Variants in DMD observed in about 807,000 individuals in gnomAD.
DMD encodes the protein dystrophin, also known as mutant dystrophin.
DMD carries 63 observed loss-of-function variants against 330.1 expected under a neutral mutation model. The observed-to-expected ratio is 0.19, with a 90% confidence interval of 0.16 to 0.24. DMD has a LOEUF of 0.24. Ranked by LOEUF, DMD falls within the 10% of genes least tolerant of loss-of-function variation. The pLI is 1.00. For synonymous variants in DMD, 1,223 were observed against 959.8 expected (o/e 1.27, Z -5.07); for missense variants, 3,344 against 2,684.1 (o/e 1.25, Z -5.43).
At chrX:32,155,060 GT>G (rs201936359) in intron 44 of DMD, among the ~76,000 whole-genome samples, 6,224 of 95,323 alleles carry the variant, frequency 0.065, 276 homozygotes, top group Admixed American at 0.18. Context: ...CCCTTGCTGT[GT>G]TTTTTTTTTT....
chrX:31,144,818 C>A (rs191233777), intron 76 of DMD, among the ~76,000 whole-genome samples: 1 of 111,384 alleles, frequency 9.0e-6, no homozygotes, highest in Admixed American at 9.4e-5. Flanking sequence ...GAAGGGGGAC[C>A]AAGTATTTGT....
At chrX:32,492,270 G>A (rs1395931175) in intron 19 of DMD, among the ~76,000 whole-genome samples, 3 of 112,032 alleles carry the variant, frequency 2.7e-5, no homozygotes, top group African/African-American at 9.7e-5. Context: ...CCCGGGAGGC[G>A]GAGCTTGCAG....
intron 60 of DMD, among the ~76,000 whole-genome samples, chrX:31,392,285 G>A (rs1304107433): frequency 1.8e-5 from 2 of 112,777 alleles, no homozygotes; most frequent in Non-Finnish European, 3.7e-5. Context: ...GATAGCAAAT[G>A]CAAAGATGGA....
intron 4 of DMD, among the ~76,000 whole-genome samples, chrX:32,836,829 G>C (rs961189222): frequency 8.9e-6 from 1 of 112,078 alleles, no homozygotes; most frequent in Admixed American, 9.5e-5. Context: ...TGTATTTAAT[G>C]ACATTTTCAC....
chrX:32,383,312 C>A (rs2097937490), intron 33 of DMD, among the ~76,000 whole-genome samples: 1 of 110,553 alleles, frequency 9.0e-6, no homozygotes. Context: ...GCTGATTACT[C>A]CAAAAAGGTA....
At chrX:32,195,517 A>C (rs1402658890) in intron 44 of DMD, among the ~76,000 whole-genome samples, 1 of 112,348 alleles carries the variant, frequency 8.9e-6, no homozygotes, top group Admixed American at 9.4e-5. Context: ...GAAAACTGTG[A>C]ATGCTTCTAT....
At position 32,243,721 on chromosome X, in the gene DMD, T is replaced by C. The variant is rs772967188; in HGVS notation, c.6291-26658A>G. ...ATAATTTAATTTTTGATAATGGTTG[T>C]GTTTAACAGATCTCAAAATTCTTGA... On this transcript the variant is annotated intron_variant, in intron 43 of 78. Transcript: ENST00000357033. 4.5e-5 allele frequency among the ~76,000 whole-genome samples: 5 copies of C among 111,885 alleles called. 1 individual carries two copies. In the East Asian group the frequency reaches 1.4e-3, roughly 32 times the overall value.
At chrX:32,784,325 T>TG (rs1230526745) in intron 7 of DMD, among the ~76,000 whole-genome samples, 4 of 111,662 alleles carry the variant, frequency 3.6e-5, no homozygotes, top group Non-Finnish European at 7.5e-5. Context: ...ATGTTGGAGG[T>TG]GATTAATTGC....
intron 13 of DMD, among the ~76,000 whole-genome samples, chrX:32,579,646 C>G (rs1242069277): frequency 2.7e-5 from 3 of 112,820 alleles, no homozygotes. Flanking sequence ...ATCTAATCTG[C>G]TTCACAAGGA....
At chrX:32,599,208 C>A (rs2055906897) in intron 12 of DMD, among the ~76,000 whole-genome samples, 1 of 111,765 alleles carries the variant, frequency 8.9e-6, no homozygotes, top group Non-Finnish European at 1.9e-5. Context: ...ACTGTATTAG[C>A]TAATCTCCTT....
intron 17 of DMD, among the ~76,000 whole-genome samples, chrX:32,544,005 A>G (rs960697955): frequency 8.9e-6 from 1 of 112,265 alleles, no homozygotes; most frequent in South Asian, 3.7e-4. Context: ...ATGTCATAAA[A>G]TATTATTTTT....
chrX:31,894,190 G>T (rs1196566399), intron 47 of DMD, among the ~76,000 whole-genome samples: 1 of 112,102 alleles, frequency 8.9e-6, no homozygotes, highest in Non-Finnish European at 1.9e-5. Flanking sequence ...ACCTAACAAA[G>T]CAATTTTGGA....
intron 60 of DMD, among the ~76,000 whole-genome samples, chrX:31,380,382 A>G (rs1356486038): frequency 3.7e-5 from 4 of 107,523 alleles, no homozygotes; most frequent in African/African-American, 1.0e-4. Context: ...GTATCTCCCC[A>G]CCTTAACCCA....
intron 7 of DMD, among the ~76,000 whole-genome samples, chrX:32,708,318 T>C (rs1156643707): frequency 4.8e-5 from 5 of 103,895 alleles, no homozygotes; most frequent in African/African-American, 1.9e-4. Context: ...ATGGTAAAAA[T>C]GGACCCACTA....
chrX:32,358,179 T>A (rs949345753), intron 37 of DMD, among the ~76,000 whole-genome samples: 3 of 111,185 alleles, frequency 2.7e-5, no homozygotes, highest in African/African-American at 9.8e-5. Flanking sequence ...TCAACTAGCA[T>A]CTCTCCCAAA....
At chrX:32,395,574 A>T (rs948573729) in intron 30 of DMD, among the ~76,000 whole-genome samples, 4 of 110,736 alleles carry the variant, frequency 3.6e-5, no homozygotes, top group Non-Finnish European at 7.5e-5. Flanking sequence ...AGTATAATTT[A>T]AAAAAATTTT....
At chrX:33,208,096 G>A (rs1008357538) in intron 1 of DMD, among the ~76,000 whole-genome samples, 16 of 111,241 alleles carry the variant, frequency 1.4e-4, no homozygotes, top group African/African-American at 3.9e-4. Context: ...GTGATTTGGC[G>A]TGCCTTCAAA....
At chrX:32,474,208 T>TACATACACACACAC (rs778108572) in intron 21 of DMD, among the ~76,000 whole-genome samples, 23 of 41,324 alleles carry the variant, frequency 5.6e-4, no homozygotes, top group African/African-American at 1.0e-3. Context: ...CATACATACA[T>TACATACACACACAC]ACACACACAC....
chrX:32,546,587 G>C (rs111485893), intron 16 of DMD, among the ~76,000 whole-genome samples: 1,912 of 111,464 alleles, frequency 0.017, 38 homozygotes, highest in African/African-American at 0.057. Flanking sequence ...AGTAAAAATT[G>C]CTTTGACATA....
Sources: allele counts gnomAD v4.1 joint callset (sites outside exome capture counted in the v4.1 genomes callset), GRCh38; gene constraint gnomAD v4.1.1; transcripts MANE v1.5; gene names NCBI Gene and HGNC (gene_info 2026-07-23, HGNC 2026-07-21).